SLC16A3: variants seen among roughly 807,000 people sequenced by gnomAD.
SLC16A3 encodes monocarboxylate transporter 4.
In SLC16A3, 22 loss-of-function variants were observed where a neutral mutation model predicts 25.0. The observed-to-expected ratio is 0.88, with a 90% CI of 0.63 to 1.26. The LOEUF (loss-of-function observed/expected upper bound fraction) is 1.26. SLC16A3 is among the 50% of genes most tolerant of loss of function. SLC16A3 has a pLI of 0.00. For missense variants in SLC16A3, 731 were observed against 666.6 expected (o/e 1.10, Z -1.06); for synonymous variants, 390 against 309.2 (o/e 1.26, Z -2.74).
In SLC16A3 at chr17:82,238,675, G is replaced by A. The variant is rs377265824; in HGVS notation, c.1124-27G>A. 44 of 1,593,488 alleles carry A rather than the reference G, an allele frequency of 2.8e-5. No homozygotes were observed. The African/African-American group carries it at 5.2e-4, about 19-fold the overall frequency. On this transcript the variant is annotated intron_variant, in intron 4 of 4. Transcript: ENST00000582743. ...GCCCTGGGGGCAGCCCGCATGAGCG[G>A]CTGGGACTGACGGGGTCTTCCCGCA...
chr17:82,227,313 G>A (rs2050429418), upstream of SLC16A3, among the ~76,000 whole-genome samples: 1 of 152,074 alleles, frequency 6.6e-6, no homozygotes, highest in African/African-American at 2.4e-5. Flanking sequence ...GCTGCTCTAC[G>A]GTGGGGGTTC....
upstream of SLC16A3, among the ~76,000 whole-genome samples, chr17:82,227,167 A>C (rs1015412446): frequency 2.0e-5 from 3 of 152,096 alleles, no homozygotes; most frequent in East Asian, 5.8e-4. Context: ...GCTCCCTGGG[A>C]CCCCTGGAGG....
Position 82,237,763 on chromosome 17 carries a change from C to T in SLC16A3, c.993C>T (p.Ser331=), listed in dbSNP as rs2050647625. Residue 331 remains serine (S), a synonymous_variant, in exon 4 of 5, where the codon TCC becomes TCT. Coordinates refer to ENST00000582743, the MANE Select transcript of SLC16A3 (RefSeq NM_004207.4). ...LVVFCIFFGI[S]YGMVGALQFE... The stretch of plus-strand genomic sequence containing the variant: ...TCTTCTGCATCTTCTTTGGCATCTC[C>T]TACGGCATGGTGGGGGCCCTGCAGT... The T allele has an allele frequency of 6.2e-7, 1 of 1,611,974 alleles. No homozygotes were observed. Among genetic ancestry groups the T allele is most frequent in the African/African-American group, 1.3e-5 (1 of 74,934 alleles).
At chr17:82,227,011 A>G (rs957502664), upstream of SLC16A3, among the ~76,000 whole-genome samples, 1 of 152,152 alleles carries the variant, frequency 6.6e-6, no homozygotes, top group Non-Finnish European at 1.5e-5. Context: ...GCTGGGAGCC[A>G]GTGCTGACTG....
chr17:82,232,718 T>G (rs1186321312), intron 1 of SLC16A3, among the ~76,000 whole-genome samples: 1 of 152,030 alleles, frequency 6.6e-6, no homozygotes, highest in East Asian at 1.9e-4. Flanking sequence ...GGAGGGCGCA[T>G]GGCTGTGGGA....
chr17:82,227,464 G>C (rs2050430569), upstream of SLC16A3, among the ~76,000 whole-genome samples: 8 of 152,238 alleles, frequency 5.3e-5, no homozygotes, highest in South Asian at 1.0e-3. Context: ...CTCCCCGGCA[G>C]GCAATACCCC....
At chr17:82,229,618 A>G (rs377583477) in intron 1 of SLC16A3, 1 of 152,302 alleles carries the variant, frequency 6.6e-6, no homozygotes, top group Non-Finnish European at 1.5e-5. Flanking sequence ...CCCTTGGGCA[A>G]TGACTAACAG....
In SLC16A3 at chr17:82,235,967, C is replaced by T. The variant is rs1408562608; in HGVS notation, c.-26-16C>T. The stretch of plus-strand genomic sequence containing the variant: ...GGTCACCCGGGCAGCCTGAGTCAGC[C>T]TGCTTTCTCTCTCAGGTGAGGCGGA... On this transcript the variant is annotated splice_polypyrimidine_tract_variant and intron_variant, in intron 1 of 4. Coordinates refer to ENST00000582743, the MANE Select transcript of SLC16A3 (RefSeq NM_004207.4). 2 of 1,550,000 alleles carry T rather than the reference C, an allele frequency of 1.3e-6. No homozygotes were observed. Among genetic ancestry groups the T allele is most frequent in the Admixed American group, 1.8e-5 (1 of 55,210 alleles).
At position 82,239,969 on chromosome 17, in the gene SLC16A3, G is replaced by A. The variant is rs370836789; in HGVS notation, c.*993G>A. ...GCTGGGAGCCCGGTCAGAGGCCGCC[G>A]GGGCCCTCAGTAGGTGCGTCGTGGG... On this transcript the variant is annotated 3_prime_UTR_variant, in exon 5 of 5. Coordinates refer to ENST00000582743, the MANE Select transcript of SLC16A3 (RefSeq NM_004207.4). The A allele has an allele frequency of 1.5e-5, 18 of 1,232,144 alleles. No individual in the cohort carries two copies. The highest frequency in any genetic ancestry group is 2.1e-4 in the Middle Eastern group (1 of 4,830). 76.3% of individuals were successfully genotyped at this position (1,232,144 alleles called of 1,614,324 possible).
chr17:82,220,949 G>A (rs2050385932), intron 1 of SLC16A3, among the ~76,000 whole-genome samples: 1 of 151,978 alleles, frequency 6.6e-6, no homozygotes, highest in South Asian at 2.1e-4. Flanking sequence ...TCAGCTTCCC[G>A]AGTAGCTGGG....
chr17:82,229,637 C>G (rs1263393411), intron 1 of SLC16A3: 1 of 152,350 alleles, frequency 6.6e-6, no homozygotes, highest in African/African-American at 2.4e-5. Flanking sequence ...AGCCCGAGAC[C>G]GTGCAGGGAA....
At chr17:82,235,008 G>C (rs557616754) in intron 1 of SLC16A3, 1 of 152,344 alleles carries the variant, frequency 6.6e-6, no homozygotes, top group East Asian at 1.9e-4. Context: ...CTGGTGAGGA[G>C]AGGACAAGGT....
intron 1 of SLC16A3, among the ~76,000 whole-genome samples, chr17:82,232,551 C>G (rs924420406): frequency 6.6e-6 from 1 of 152,210 alleles, no homozygotes; most frequent in Non-Finnish European, 1.5e-5. Context: ...CCTGGCATGG[C>G]GTTCCAGGCC....
upstream of SLC16A3, among the ~76,000 whole-genome samples, chr17:82,228,838 G>C (rs994572747): frequency 3.8e-4 from 57 of 151,536 alleles, no homozygotes; most frequent in Non-Finnish European, 6.0e-4. Context: ...GGGCGCCGAC[G>C]GGGCCGGTTC....
At chr17:82,232,384 C>T (rs1418411645) in intron 1 of SLC16A3, 1 of 152,448 alleles carries the variant, frequency 6.6e-6, no homozygotes, top group Non-Finnish European at 1.5e-5. Flanking sequence ...GGTCCAGACG[C>T]CTGAGGGGAA....
At chr17:82,219,514 G>C (rs532528347) in intron 1 of SLC16A3, among the ~76,000 whole-genome samples, 30 of 152,074 alleles carry the variant, frequency 2.0e-4, no homozygotes, top group Non-Finnish European at 2.6e-4. Flanking sequence ...CAGAGGCCTC[G>C]CTCCCTGGGC....
At chr17:82,231,147 GGGGCGGGGCC>G (rs1311612509) in intron 1 of SLC16A3, 3 of 152,146 alleles carry the variant, frequency 2.0e-5, no homozygotes, top group South Asian at 2.1e-4. Context: ...CGCGGCTGGC[GGGGCGGGGCC>G]GGGCGGAGCA....
Position 82,236,074 on chromosome 17 carries a change from G to C in SLC16A3, c.66G>C (p.Trp22Cys). Residue 22 changes from tryptophan (W) to cysteine (C), a missense_variant, in exon 2 of 5, where the codon TGG becomes TGC. Trp to Cys is a radical substitution (Grantham distance 215). Transcript: ENST00000582743. ...AGGCCCCTGACGGCGGCTGGGGCTG[G>C]GCCGTGCTCTTCGGCTGTTTCGTCA... ...GVKAPDGGWG[W>C]AVLFGCFVIT... The C allele has an allele frequency of 6.2e-7, 1 of 1,612,858 alleles. No individual in the cohort carries two copies. The highest frequency in any genetic ancestry group is 8.5e-7 in the Non-Finnish European group (1 of 1,179,870).
chr17:82,238,973 C>CT lies in SLC16A3; in HGVS notation c.1396dup (p.Ter466LeufsTer174), dbSNP rs753497380. 2 of 1,519,684 alleles carry CT rather than the reference C, an allele frequency of 1.3e-6. No homozygotes were observed. Among genetic ancestry groups the CT allele is most frequent in the Non-Finnish European group, 1.8e-6 (2 of 1,129,848 alleles). The allele number at this position is 1,519,684 out of a possible 1,614,324, so 94.1% of individuals were successfully genotyped here. A position where few individuals can be genotyped will look rare whatever the true frequency, so the allele number is the denominator to read the frequency against. ...TGGTTCACACCCCGGAAACAAGTGT[C>CT]TGAGTGGCTGGGCGGGGCCGGCAGG... On this transcript the variant is annotated frameshift_variant, in exon 5 of 5. Coordinates refer to ENST00000582743, the MANE Select transcript of SLC16A3 (RefSeq NM_004207.4). LOFTEE classifies it high-confidence loss of function.
Sources: gnomAD v4.1 joint callset for allele counts (sites outside exome capture counted in the v4.1 genomes callset) on GRCh38, gnomAD v4.1.1 for gene constraint, MANE v1.5 for transcripts, NCBI Gene and HGNC (gene_info 2026-07-23, HGNC 2026-07-21) for gene names.